PTPRN2: variants seen among roughly 807,000 people sequenced by gnomAD.
PTPRN2 encodes the protein receptor-type tyrosine-protein phosphatase N2.
Under a neutral mutation model 118.8 loss-of-function variants are expected in PTPRN2, and 74 were observed. The observed-to-expected ratio is 0.62, with a 90% confidence interval of 0.52 to 0.76. The LOEUF (loss-of-function observed/expected upper bound fraction) is 0.76. PTPRN2 is among the 30% of genes least tolerant of loss of function. The pLI is 0.00. For synonymous variants in PTPRN2, 641 were observed against 608.0 expected (o/e 1.05, Z -0.80); for missense variants, 1,481 against 1,394.4 (o/e 1.06, Z -0.99).
Position 157,713,583 on chromosome 7 carries a change from G to A in PTPRN2, c.1789-30646C>T, listed in dbSNP as rs532635577. 2.4e-4 allele frequency among the ~76,000 whole-genome samples: 37 copies of A among 152,248 alleles called. No individual in the cohort carries two copies. In the South Asian group the frequency reaches 6.4e-3, roughly 26 times the overall value. ...TCAGCAAAGAGACGGTGTGACGCCC[G>A]GCTCCCTCCCCGTCACTGATACGGC... On this transcript the variant is annotated intron_variant, in intron 12 of 22. Transcript: ENST00000389418.
intron 12 of PTPRN2, among the ~76,000 whole-genome samples, chr7:157,871,676 T>C (rs1417325593): frequency 1.3e-5 from 2 of 151,954 alleles, no homozygotes; most frequent in South Asian, 4.1e-4. Flanking sequence ...TTTTTCCTAT[T>C]ATAAACTAGT....
intron 2 of PTPRN2, among the ~76,000 whole-genome samples, chr7:158,463,660 T>A (rs1208461753): frequency 1.3e-5 from 2 of 151,988 alleles, no homozygotes; most frequent in Non-Finnish European, 2.9e-5. Flanking sequence ...ATCATCGTCA[T>A]CACCATATCA....
chr7:158,158,527 C>T lies in PTPRN2; in HGVS notation c.910+8404G>A, dbSNP rs531877589. ...TTGGCCAGGACTTCGCAAGTGCTTT[C>T]TGAGTGAATGAGTGAACTCAGGAGA... On this transcript the variant is annotated intron_variant, in intron 6 of 22. Coordinates refer to ENST00000389418, the MANE Select transcript of PTPRN2 (RefSeq NM_002847.5). Among the ~76,000 whole-genome samples, 32 of 151,466 alleles carry T rather than the reference C, an allele frequency of 2.1e-4. 2 individuals carry two copies. In the South Asian group the frequency reaches 6.1e-3, roughly 29 times the overall value.
intron 12 of PTPRN2, among the ~76,000 whole-genome samples, chr7:157,806,796 G>A (rs1805662734): frequency 6.6e-6 from 1 of 152,234 alleles, no homozygotes. Context: ...AGTCCAGGCA[G>A]ACCACGGCCC....
intron 2 of PTPRN2, among the ~76,000 whole-genome samples, chr7:158,336,427 G>A (rs62481662): frequency 0.058 from 1,893 of 32,880 alleles, 13 homozygotes; most frequent in South Asian, 0.1. Flanking sequence ...GGTGACACCT[G>A]CAGACGTCAC....
In PTPRN2 at chr7:158,052,417, A is replaced by G. The variant is rs181295461; in HGVS notation, c.1723+28881T>C. 2.0e-5 allele frequency among the ~76,000 whole-genome samples: 3 copies of G among 152,240 alleles called. No individual in the cohort carries two copies. In the East Asian group the frequency reaches 5.8e-4, roughly 29 times the overall value. ...TACTGGTTCTGTGGGTTATTGGGGG[A>G]AGTTCTTAAAATAATGAAATAAAAT... is the stretch of plus-strand genomic sequence containing the variant. On this transcript the variant is annotated intron_variant, in intron 11 of 22. Coordinates refer to ENST00000389418, the MANE Select transcript of PTPRN2 (RefSeq NM_002847.5).
Position 157,563,018 on chromosome 7 carries a change from CCA to C in PTPRN2, c.2902+5882_2902+5883del, listed in dbSNP as rs1198438182. ...ATCAGGACCACATGCTCCCACGTCA[CCA>C]CACACAGCAGATCAGGACCACATGC... On this transcript the variant is annotated intron_variant, in intron 21 of 22. Transcript: ENST00000389418. Among the ~76,000 whole-genome samples, 20 of 126,598 alleles carry C rather than the reference CCA, an allele frequency of 1.6e-4. 1 individual carries two copies. The highest frequency in any genetic ancestry group is 6.4e-4 in the African/African-American group (19 of 29,478). 83.1% of individuals were successfully genotyped at this position (126,598 alleles called of 152,430 possible). A position where few individuals can be genotyped will look rare whatever the true frequency, so the allele number is the denominator to read the frequency against.
At chr7:158,515,192 T>G (rs1395319188) in intron 1 of PTPRN2, among the ~76,000 whole-genome samples, 1 of 151,612 alleles carries the variant, frequency 6.6e-6, no homozygotes, top group Non-Finnish European at 1.5e-5. Context: ...AGTGTATTTT[T>G]TTTTTTTTTT....
At chr7:157,918,885 C>T (rs1028355521) in intron 11 of PTPRN2, among the ~76,000 whole-genome samples, 3 of 152,354 alleles carry the variant, frequency 2.0e-5, no homozygotes, top group Non-Finnish European at 4.4e-5. Context: ...CCACCAGCCA[C>T]GTTCCGGGGC....
At chr7:157,649,878 G>A (rs1805513188) in intron 14 of PTPRN2, among the ~76,000 whole-genome samples, 1 of 80,486 alleles carries the variant, frequency 1.2e-5, no homozygotes, top group Non-Finnish European at 3.3e-5. Context: ...AGGGTGCACT[G>A]AACTCGGTGG....
intron 1 of PTPRN2, among the ~76,000 whole-genome samples, chr7:158,545,956 G>A (rs980477593): frequency 3.9e-5 from 6 of 152,130 alleles, no homozygotes; most frequent in African/African-American, 1.2e-4. Context: ...CCGAAATTAC[G>A]CCACTGCATT....
At chr7:158,420,476 C>A (rs1402697459) in intron 2 of PTPRN2, among the ~76,000 whole-genome samples, 2 of 152,252 alleles carry the variant, frequency 1.3e-5, no homozygotes, top group Non-Finnish European at 2.9e-5. Flanking sequence ...AGCACACATT[C>A]CTTCTTCTTC....
chr7:157,824,891 G>A (rs1280373770), intron 12 of PTPRN2, among the ~76,000 whole-genome samples: 1 of 152,226 alleles, frequency 6.6e-6, no homozygotes, highest in Non-Finnish European at 1.5e-5. Context: ...CATGCTGAAT[G>A]AAGCCACAAA....
intron 12 of PTPRN2, among the ~76,000 whole-genome samples, chr7:157,878,111 G>C (rs1479850997): frequency 9.9e-5 from 15 of 152,220 alleles, no homozygotes; most frequent in Admixed American, 9.8e-4. Flanking sequence ...CAGCTTTGCT[G>C]TCTAGGAATT....
chr7:157,844,869 G>A (rs1037803540), intron 12 of PTPRN2, among the ~76,000 whole-genome samples: 6 of 152,194 alleles, frequency 3.9e-5, no homozygotes, highest in South Asian at 2.1e-4. Flanking sequence ...GTGAGCCTCC[G>A]GGTGCTCGTG....
intron 2 of PTPRN2, among the ~76,000 whole-genome samples, chr7:158,442,832 A>C (rs2129435267): frequency 6.6e-6 from 1 of 152,314 alleles, no homozygotes; most frequent in South Asian, 2.1e-4. Context: ...TTGTCAGAAA[A>C]TAAAATGACA....
chr7:158,461,133 T>C (rs768031960), intron 2 of PTPRN2, among the ~76,000 whole-genome samples: 4 of 152,218 alleles, frequency 2.6e-5, no homozygotes, highest in Non-Finnish European at 2.9e-5. Flanking sequence ...TCAAGAAGCA[T>C]AGAAGAAACC....
chr7:158,464,244 G>A (rs113532061), intron 2 of PTPRN2, among the ~76,000 whole-genome samples: 5 of 17,568 alleles, frequency 2.8e-4, no homozygotes, highest in Admixed American at 7.1e-4. Context: ...ATGCCATTTA[G>A]TAAATAATCC....
intron 2 of PTPRN2, among the ~76,000 whole-genome samples, chr7:158,319,430 A>ACACACAGCCTCCCTCACACACG (rs1586239524): frequency 2.2e-5 from 2 of 90,734 alleles, no homozygotes; most frequent in Non-Finnish European, 4.5e-5. Context: ...ACACACACAC[A>ACACACAGCCTCCCTCACACACG]CACACAGCCT....
Sources: gnomAD v4.1 joint callset for allele counts (sites outside exome capture counted in the v4.1 genomes callset) on GRCh38, gnomAD v4.1.1 for gene constraint, MANE v1.5 for transcripts, NCBI Gene and HGNC (gene_info 2026-07-23, HGNC 2026-07-21) for gene names.